Variants in HDAC4 observed in about 807,000 individuals in gnomAD.
The protein encoded by HDAC4 is histone deacetylase A.
Under a neutral mutation model 135.1 loss-of-function variants are expected in HDAC4, and 16 were observed. The ratio of observed to expected loss-of-function variants is 0.12; its 90% CI spans 0.08 to 0.18. The LOEUF (loss-of-function observed/expected upper bound fraction) is 0.18, where lower values mean the gene tolerates loss of function less well. Among genes scored for constraint, HDAC4 ranks in the 10% least tolerant of loss-of-function variants. The pLI is 1.00. For missense variants in HDAC4, 1,143 were observed against 1,511.8 expected (o/e 0.76, Z 4.05); for synonymous variants, 685 against 653.4 (o/e 1.05, Z -0.74).
intron 2 of HDAC4, among the ~76,000 whole-genome samples, chr2:239,304,250 G>C (rs1177048565): frequency 2.0e-5 from 3 of 152,124 alleles, no homozygotes; most frequent in Non-Finnish European, 4.4e-5. Flanking sequence ...AGCTGGGAAG[G>C]CCTCAAGCAG....
At chr2:239,275,513 C>T (rs756181625) in intron 2 of HDAC4, among the ~76,000 whole-genome samples, 5 of 152,182 alleles carry the variant, frequency 3.3e-5, no homozygotes, top group Non-Finnish European at 5.9e-5. Context: ...GATGTCATGG[C>T]CCACGGAGTG....
intron 24 of HDAC4, among the ~76,000 whole-genome samples, chr2:239,064,730 T>TGC (rs1285648393): frequency 1.3e-5 from 2 of 152,138 alleles, no homozygotes; most frequent in Non-Finnish European, 2.9e-5. Flanking sequence ...CTGTGACCAG[T>TGC]GGGGTTCCTC....
intron 3 of HDAC4, among the ~76,000 whole-genome samples, chr2:239,208,884 A>C (rs1235115397): frequency 3.3e-5 from 5 of 151,738 alleles, no homozygotes; most frequent in Non-Finnish European, 1.5e-5. Flanking sequence ...ATATTGAAAG[A>C]CTTTTTTTCT....
intron 7 of HDAC4, 53 bp downstream of exon 7, chr2:239,156,599 G>A (rs1268669900): frequency 6.2e-7 from 1 of 1,613,040 alleles, no homozygotes; most frequent in African/African-American, 1.3e-5. Context: ...CTTGTGGCGT[G>A]GAAGGTGCCC....
rs1695213966 is a variant in HDAC4 at position 239,378,840 on chromosome 2, A to G, written c.-220+22138T>C. ...CTTCCTGCCTTGGCAGAGTCGGACA[A>G]TTTGGCCTGAGGCAAAACAGTCTTT... is the stretch of plus-strand genomic sequence containing the variant. On this transcript the variant is annotated intron_variant, in intron 1 of 26. Transcript: ENST00000543185. 2.0e-5 allele frequency among the ~76,000 whole-genome samples: 3 copies of G among 152,160 alleles called. No individual in the cohort carries two copies. In the South Asian group the frequency reaches 6.2e-4, roughly 32 times the overall value.
At chr2:239,290,003 G>A (rs9308910) in intron 2 of HDAC4, among the ~76,000 whole-genome samples, 15,559 of 152,088 alleles carry the variant, frequency 0.1, 1,398 homozygotes, top group East Asian at 0.43. Flanking sequence ...AATTAACAAA[G>A]TTCTATCAAC....
chr2:239,082,496 A>T (rs2035439582), intron 20 of HDAC4, among the ~76,000 whole-genome samples: 1 of 152,206 alleles, frequency 6.6e-6, no homozygotes, highest in African/African-American at 2.4e-5. Context: ...TCCTGACTCC[A>T]GCAGCCGATG....
intron 22 of HDAC4, among the ~76,000 whole-genome samples, chr2:239,072,240 C>A (rs149277799): frequency 1.3e-5 from 2 of 152,182 alleles, no homozygotes; most frequent in Non-Finnish European, 2.9e-5. Context: ...AGATATAACA[C>A]GTTAGTGCGA....
intron 2 of HDAC4, among the ~76,000 whole-genome samples, chr2:239,269,694 G>T (rs1032157330): frequency 3.3e-5 from 5 of 152,218 alleles, no homozygotes; most frequent in African/African-American, 1.2e-4. Flanking sequence ...GGCCGGGACT[G>T]CCGGGTCACC....
intron 1 of HDAC4, among the ~76,000 whole-genome samples, chr2:239,390,854 GCA>G (rs1475119241): frequency 2.0e-5 from 3 of 152,224 alleles, no homozygotes; most frequent in African/African-American, 4.8e-5. Context: ...TGGGCAAAAT[GCA>G]CACAGTCCTT....
chr2:239,150,073 G>A (rs2042013351), intron 7 of HDAC4, among the ~76,000 whole-genome samples: 1 of 152,134 alleles, frequency 6.6e-6, no homozygotes, highest in African/African-American at 2.4e-5. Context: ...TGAGAGAAAG[G>A]CGTTGAGCTT....
intron 1 of HDAC4, among the ~76,000 whole-genome samples, chr2:239,390,881 A>G (rs1031276909): frequency 2.0e-5 from 3 of 152,236 alleles, no homozygotes; most frequent in African/African-American, 7.2e-5. Context: ...GTCCCTGCTC[A>G]TGCAAATCAG....
At chr2:239,238,529 C>T (rs1001380706) in intron 2 of HDAC4, among the ~76,000 whole-genome samples, 1 of 152,174 alleles carries the variant, frequency 6.6e-6, no homozygotes, top group Admixed American at 6.5e-5. Flanking sequence ...GCTCAACGCC[C>T]AACCTTAGCT....
At chr2:239,395,313 TGA>T (rs1696486243) in intron 1 of HDAC4, among the ~76,000 whole-genome samples, 1 of 152,106 alleles carries the variant, frequency 6.6e-6, no homozygotes, top group Non-Finnish European at 1.5e-5. Context: ...AGCAAGGGAA[TGA>T]GAGGTACAAA....
chr2:239,068,153 TG>T lies in HDAC4; in HGVS notation c.2869+335del, dbSNP rs1275486156. Among the ~76,000 whole-genome samples the T allele has an allele frequency of 6.6e-6, 1 of 152,036 alleles. No individual in the cohort carries two copies. The highest frequency in any genetic ancestry group is 1.5e-5 in the Non-Finnish European group (1 of 68,002). Reference sequence around the variant, plus strand: ...AGCACCGCCTGCCAGAGAAGCGGCATGGGGCACATCTCAGCTCTTGGTGGGA... The same window carrying T: ...AGCACCGCCTGCCAGAGAAGCGGCATGGGCACATCTCAGCTCTTGGTGGGA... On this transcript the variant is annotated intron_variant, in intron 23 of 26. Coordinates refer to ENST00000543185, the MANE Select transcript of HDAC4 (RefSeq NM_001378414.1). This position sits in a 1 kb window ranked among gnomAD's most constrained non-coding sequence, Gnocchi z 4.4.
In HDAC4 at chr2:239,343,111, C is replaced by T. The variant is rs147149430; in HGVS notation, c.22+9567G>A. On this transcript the variant is annotated intron_variant, in intron 2 of 26. Transcript: ENST00000543185. Reference sequence around the variant, plus strand: ...ACTGATTAGGTGGCTGAAAGCAAACCAGTTTAAAAGCTCAGGGCCAGATAT... The same window carrying T: ...ACTGATTAGGTGGCTGAAAGCAAACTAGTTTAAAAGCTCAGGGCCAGATAT... 9.1e-3 allele frequency among the ~76,000 whole-genome samples: 1,386 copies of T among 152,284 alleles called. 10 individuals carry two copies. The highest frequency in any genetic ancestry group is 0.015 in the Non-Finnish European group (1,029 of 68,022).
intron 17 of HDAC4, chr2:239,094,733 G>A: frequency 7.7e-7 from 1 of 1,300,506 alleles, no homozygotes; most frequent in Non-Finnish European, 9.9e-7. Flanking sequence ...ATGAGATGCT[G>A]GCTGCATACA....
chr2:239,343,983 C>T (rs1692460666), intron 2 of HDAC4, among the ~76,000 whole-genome samples: 1 of 152,220 alleles, frequency 6.6e-6, no homozygotes, highest in Non-Finnish European at 1.5e-5. Flanking sequence ...AACAAACCTG[C>T]TGTTCATTTC....
intron 3 of HDAC4, among the ~76,000 whole-genome samples, chr2:239,204,427 C>T (rs566155040): frequency 2.0e-5 from 3 of 152,190 alleles, no homozygotes; most frequent in Non-Finnish European, 2.9e-5. Flanking sequence ...AACACAAACA[C>T]GATTTCCCAG....
Sources: gnomAD v4.1 joint callset for allele counts (sites outside exome capture counted in the v4.1 genomes callset) on GRCh38, gnomAD v4.1.1 for gene constraint, Gnocchi (gnomAD v3.1) non-coding constraint, MANE v1.5 for transcripts, NCBI Gene and HGNC (gene_info 2026-07-23, HGNC 2026-07-21) for gene names.